Variants in FAM114A2 observed in about 807,000 individuals in gnomAD.
The protein encoded by FAM114A2 is family with sequence similarity 114 member A2.
A neutral mutation model predicts 58.4 loss-of-function variants in FAM114A2; 53 were observed. The ratio of observed to expected loss-of-function variants is 0.91; its 90% CI spans 0.73 to 1.14. The LOEUF (loss-of-function observed/expected upper bound fraction) is 1.14. Ranked by LOEUF, FAM114A2 falls within the 50% of genes most tolerant of loss-of-function variation. The probability of loss-of-function intolerance (pLI) is 0.00; values close to 1 mark genes in which losing one functional copy is unlikely to be tolerated. For synonymous variants in FAM114A2, 228 were observed against 211.4 expected (o/e 1.08, Z -0.68); for missense variants, 601 against 581.1 (o/e 1.03, Z -0.35).
chr5:153,997,137 C>T (rs1454706147), intron 12 of FAM114A2, among the ~76,000 whole-genome samples: 1 of 151,930 alleles, frequency 6.6e-6, no homozygotes, highest in Non-Finnish European at 1.5e-5. Context: ...TACGAAGAAA[C>T]TGGAACCCTT....
chr5:154,003,051 T>C (rs1442956701), intron 9 of FAM114A2, 82 bp from the exon 10 acceptor site: 1 of 1,287,928 alleles, frequency 7.8e-7, no homozygotes. Flanking sequence ...CACAATAGCA[T>C]CCTAGAAGTA....
At chr5:153,998,319 C>T (rs1769721870) in intron 11 of FAM114A2, among the ~76,000 whole-genome samples, 1 of 152,130 alleles carries the variant, frequency 6.6e-6, no homozygotes, top group African/African-American at 2.4e-5. Context: ...CCTTATTTTA[C>T]CTAATAATGG....
rs1447760692 is a variant in FAM114A2, at chr5:153,992,183, A to T, written c.*793T>A. 1 of 152,198 alleles carries T rather than the reference A, an allele frequency of 6.6e-6. No homozygotes were observed. Among genetic ancestry groups the T allele is most frequent in the Non-Finnish European group, 1.5e-5 (1 of 68,034 alleles). The allele number at this position is 152,198 out of a possible 1,614,324, so 9.4% of individuals were successfully genotyped here. On this transcript the variant is annotated 3_prime_UTR_variant, in exon 14 of 14. Transcript: ENST00000351797. ...CTGTTAAAGAATTTATCCTGCATAT[A>T]TGGTAGACACGAAACACATCCTGAA... is the stretch of plus-strand genomic sequence containing the variant.
chr5:154,015,712 G>T (rs530822969), intron 8 of FAM114A2, among the ~76,000 whole-genome samples: 4 of 151,946 alleles, frequency 2.6e-5, no homozygotes, highest in African/African-American at 9.7e-5. Context: ...ACAAAACAAG[G>T]TTCTTTAACA....
intron 8 of FAM114A2, among the ~76,000 whole-genome samples, chr5:154,018,545 T>C (rs1368768578): frequency 1.3e-5 from 2 of 152,122 alleles, no homozygotes; most frequent in South Asian, 2.1e-4. Context: ...GAACCCTCAC[T>C]AAATCATTCT....
rs1247398051 is a variant in FAM114A2 at position 154,028,182 on chromosome 5, C to A, written c.597G>T (p.Lys199Asn). The A allele has an allele frequency of 6.2e-7, 1 of 1,612,790 alleles. No homozygotes were observed. Among genetic ancestry groups the A allele is most frequent in the East Asian group, 2.2e-5 (1 of 44,860 alleles). ...AEGDPGFKRT[K>N]GLMNRNATLS... ...GTGTAGCATTTCGGTTCATCAGACC[C>A]TTGGTTCTTTTAAATCCAGGATCCC... Residue 199 changes from lysine to asparagine, a missense_variant, in exon 6 of 14, where the codon AAG (lysine) becomes AAT (asparagine). Coordinates refer to ENST00000351797, the MANE Select transcript of FAM114A2 (RefSeq NM_018691.4).
At chr5:154,003,474 C>T (rs1770145322) in intron 9 of FAM114A2, among the ~76,000 whole-genome samples, 2 of 152,114 alleles carry the variant, frequency 1.3e-5, no homozygotes, top group African/African-American at 2.4e-5. Flanking sequence ...CCACTGCGCC[C>T]GGCCTCTAAT....
chr5:154,028,387 G>T, intron 5 of FAM114A2, 104 bp from the exon 6 acceptor site: 1 of 737,518 alleles, frequency 1.4e-6, no homozygotes, highest in Non-Finnish European at 2.1e-6. Context: ...ACAATACCAA[G>T]CACTGGCAAG....
Position 154,035,065 on chromosome 5 carries a change from C to A in FAM114A2, c.-14-98G>T, listed in dbSNP as rs896692079. The A allele has an allele frequency of 1.0e-5, 7 of 702,196 alleles. No individual in the cohort carries two copies. The Admixed American group carries it at 1.7e-4, about 17-fold the overall frequency. 43.5% of individuals were successfully genotyped at this position (702,196 alleles called of 1,614,324 possible). On this transcript the variant is annotated intron_variant, in intron 1 of 13. Coordinates refer to ENST00000351797, the MANE Select transcript of FAM114A2 (RefSeq NM_018691.4). ...TTTGAGATTATCATAGATTCACATA[C>A]AAGTATAAGGAATAATACAGAGATC...
chr5:153,996,804 T>C (rs758116943), intron 12 of FAM114A2, among the ~76,000 whole-genome samples: 17 of 151,494 alleles, frequency 1.1e-4, no homozygotes, highest in Non-Finnish European at 2.1e-4. Flanking sequence ...CGAGACCAGC[T>C]TGGCCAACAT....
In FAM114A2 at chr5:154,002,913, C is replaced by G. The variant is rs779175026; in HGVS notation, c.1050G>C (p.Glu350Asp). The change falls in exon 10 of 14, where the codon GAG (glutamate) becomes GAC (aspartate). Residue 350 changes from glutamate (E) to aspartate (D), a missense_variant. Physicochemically the swap from Glu to Asp is conservative, Grantham distance 45. Coordinates refer to ENST00000351797, the MANE Select transcript of FAM114A2 (RefSeq NM_018691.4). ...IRKSLTKPLA[E>D]NEEGEKQSEA... is the part of the protein sequence containing the mutation. ...CCGACTGTTTTTCTCCTTCTTCATT[C>G]TCTGCTAATGGCTTGGTCAGAGACT... The G allele has an allele frequency of 6.2e-7, 1 of 1,614,008 alleles. No homozygotes were observed. The highest frequency in any genetic ancestry group is 8.5e-7 in the Non-Finnish European group (1 of 1,179,904).
rs200198235 is a variant in FAM114A2, at chr5:154,028,202, G to T, written c.577C>A (p.Pro193Thr). The change falls in exon 6 of 14, where the codon CCT (proline) becomes ACT (threonine). Residue 193 changes from proline to threonine, a missense_variant. Transcript: ENST00000351797. ...AGACCCTTGGTTCTTTTAAATCCAG[G>T]ATCCCCTTCTGCTATCACATCCATT... ...KTMDVIAEGD[P>T]GFKRTKGLMN... 3.1e-6 allele frequency: 5 copies of T among 1,612,306 alleles called. No homozygotes were observed. Among genetic ancestry groups the T allele is most frequent in the African/African-American group, 2.7e-5 (2 of 74,954 alleles).
chr5:154,017,689 G>A (rs1257186143), intron 8 of FAM114A2, among the ~76,000 whole-genome samples: 2 of 152,006 alleles, frequency 1.3e-5, no homozygotes, highest in Non-Finnish European at 2.9e-5. Context: ...CCATATGATA[G>A]GCCACAAAAG....
chr5:153,999,092 A>C (rs1184232596), intron 11 of FAM114A2, among the ~76,000 whole-genome samples: 1 of 152,228 alleles, frequency 6.6e-6, no homozygotes, highest in African/African-American at 2.4e-5. Flanking sequence ...TAAGATGAAA[A>C]AAAGCAAACT....
intron 4 of FAM114A2, among the ~76,000 whole-genome samples, chr5:154,030,596 T>G (rs1420263112): frequency 2.6e-5 from 4 of 152,212 alleles, no homozygotes; most frequent in Non-Finnish European, 5.9e-5. Context: ...GAAACCCAAG[T>G]AGGGCATGGC....
At chr5:154,026,614 A>C (rs935391634) in intron 7 of FAM114A2, 92 bp from the exon 8 acceptor site, 1 of 886,642 alleles carries the variant, frequency 1.1e-6, no homozygotes. Flanking sequence ...GATCATATTG[A>C]AGTCAAAATT....
chr5:154,031,442 A>T (rs948709520), intron 4 of FAM114A2, among the ~76,000 whole-genome samples: 2 of 152,212 alleles, frequency 1.3e-5, no homozygotes, highest in East Asian at 3.9e-4. Context: ...ATGATCAATG[A>T]TTTCCATCAA....
intron 8 of FAM114A2, among the ~76,000 whole-genome samples, chr5:154,025,811 G>A (rs562993837): frequency 5.3e-5 from 8 of 152,008 alleles, no homozygotes; most frequent in South Asian, 2.1e-4. Context: ...TATACTTTAC[G>A]TCAGCCATCT....
intron 12 of FAM114A2, 48 bp from the exon 13 acceptor site, chr5:153,995,020 A>T: frequency 8.7e-7 from 1 of 1,150,856 alleles, no homozygotes; most frequent in Non-Finnish European, 1.3e-6. Context: ...GTTAAATAAC[A>T]GTAAGTGGAG....
Sources: gnomAD v4.1 joint callset for allele counts (sites outside exome capture counted in the v4.1 genomes callset) on GRCh38, gnomAD v4.1.1 for gene constraint, MANE v1.5 for transcripts, NCBI Gene and HGNC (gene_info 2026-07-23, HGNC 2026-07-21) for gene names.